The following UBXN4 variants were observed in gnomAD, a reference collection of about 807,000 sequenced individuals.
The protein encoded by UBXN4 is UBX domain-containing protein 4.
Under a neutral mutation model 66.2 loss-of-function variants are expected in UBXN4, and 35 were observed. That is an observed-to-expected ratio of 0.53 (90% CI 0.40 to 0.70). The LOEUF (loss-of-function observed/expected upper bound fraction) is 0.70. UBXN4 is among the 30% of genes least tolerant of loss of function. UBXN4 has a pLI of 0.00. For synonymous variants in UBXN4, 203 were observed against 204.5 expected, an observed-to-expected ratio of 0.99 and a Z score of 0.06; for missense variants, 533 against 599.8, an observed-to-expected ratio of 0.89 and a Z score of 1.16.
At chr2:135,750,424 T>C (rs2077234199) in intron 2 of UBXN4, among the ~76,000 whole-genome samples, 1 of 152,080 alleles carries the variant, frequency 6.6e-6, no homozygotes, top group South Asian at 2.1e-4. Context: ...GAGAATGCTG[T>C]GAACCCGGGA....
chr2:135,766,667 C>T (rs1002436727), intron 6 of UBXN4, among the ~76,000 whole-genome samples: 3 of 152,146 alleles, frequency 2.0e-5, no homozygotes, highest in East Asian at 1.9e-4. Flanking sequence ...ATGTTTTGTC[C>T]TTTCCATTAC....
At chr2:135,751,214 T>A (rs1406891755) in intron 2 of UBXN4, among the ~76,000 whole-genome samples, 3 of 148,802 alleles carry the variant, frequency 2.0e-5, no homozygotes. Context: ...TGAGACGGAG[T>A]CTCGCTCTGT....
intron 1 of UBXN4, among the ~76,000 whole-genome samples, chr2:135,747,150 G>A (rs2077211927): frequency 6.6e-6 from 1 of 151,086 alleles, no homozygotes; most frequent in Non-Finnish European, 1.5e-5. Flanking sequence ...GGATTAAATT[G>A]TCCTGGCCAA....
intron 12 of UBXN4, 87 bp downstream of exon 12, chr2:135,780,472 C>T: frequency 1.6e-6 from 2 of 1,251,066 alleles, no homozygotes; most frequent in Non-Finnish European, 2.3e-6. Context: ...CTTTGCCTTT[C>T]TGTATATGTC....
At chr2:135,764,709 T>C (rs1433354143) in intron 6 of UBXN4, among the ~76,000 whole-genome samples, 6 of 152,234 alleles carry the variant, frequency 3.9e-5, no homozygotes, top group Non-Finnish European at 8.8e-5. Flanking sequence ...TTTCGCCATG[T>C]TGGCTGGGCT....
In UBXN4 at chr2:135,763,925, G is replaced by A. The variant is rs550660864; in HGVS notation, c.602+2014G>A. Among the ~76,000 whole-genome samples the A allele has an allele frequency of 2.6e-5, 4 of 152,230 alleles. No individual in the cohort carries two copies. In the South Asian group the frequency reaches 8.3e-4, roughly 32 times the overall value. ...GGATCATTTGAGGCCGGGAGTTCAA[G>A]ACCAGCCTGGCCAACGTGGCGAAAC... is the stretch of plus-strand genomic sequence containing the variant. On this transcript the variant is annotated intron_variant, in intron 6 of 12. Coordinates refer to ENST00000272638, the MANE Select transcript of UBXN4 (RefSeq NM_014607.4).
rs115361817 is a variant in UBXN4, at chr2:135,750,553, A to G, written c.185+2184A>G. 5.6e-3 allele frequency among the ~76,000 whole-genome samples: 858 copies of G among 152,284 alleles called. 7 individuals are homozygous for G. Among genetic ancestry groups the G allele is most frequent in the African/African-American group, 0.019 (800 of 41,562 alleles). On this transcript the variant is annotated intron_variant, in intron 2 of 12. Transcript: ENST00000272638. The stretch of plus-strand genomic sequence containing the variant: ...AAAAAATAAATTCAGAAATTTGCCT[A>G]TAAGTTTGTAAACTTTATGTAAAAA...
intron 5 of UBXN4, among the ~76,000 whole-genome samples, chr2:135,756,435 T>C (rs1271354327): frequency 6.6e-6 from 1 of 152,204 alleles, no homozygotes; most frequent in Non-Finnish European, 1.5e-5. Context: ...GTCTTCCTTA[T>C]ATTGAGCTGA....
chr2:135,745,875 C>CTTTTTTGTT (rs2077204386), intron 1 of UBXN4, among the ~76,000 whole-genome samples: 1 of 74,398 alleles, frequency 1.3e-5, no homozygotes, highest in Non-Finnish European at 2.3e-5. Context: ...GTCCCGTTTA[C>CTTTTTTGTT]TTTTTTTTTT....
intron 9 of UBXN4, among the ~76,000 whole-genome samples, chr2:135,773,541 A>T (rs1011767856): frequency 2.0e-5 from 3 of 152,222 alleles, no homozygotes; most frequent in Non-Finnish European, 2.9e-5. Flanking sequence ...AGGAGGTGAC[A>T]TGCCCAATCT....
At chr2:135,775,308 G>T (rs1313993316) in intron 9 of UBXN4, among the ~76,000 whole-genome samples, 1 of 152,184 alleles carries the variant, frequency 6.6e-6, no homozygotes, top group Non-Finnish European at 1.5e-5. Flanking sequence ...TTATACAGCA[G>T]TTTATATCCA....
intron 11 of UBXN4, among the ~76,000 whole-genome samples, chr2:135,779,858 TTA>T (rs1439528758): frequency 7.9e-6 from 1 of 126,050 alleles, no homozygotes; most frequent in East Asian, 2.1e-4. Context: ...TATAAAATAA[TTA>T]TATAAAATAA....
chr2:135,759,792 A>G (rs1317302061), intron 5 of UBXN4, among the ~76,000 whole-genome samples: 1 of 47,762 alleles, frequency 2.1e-5, no homozygotes, highest in African/African-American at 4.9e-5. Flanking sequence ...TTTTTTTGAG[A>G]CAGTCTCGCT....
chr2:135,756,593 C>T lies in UBXN4; in HGVS notation c.508+902C>T, dbSNP rs144876965. Among the ~76,000 whole-genome samples, 253 of 152,178 alleles carry T rather than the reference C, an allele frequency of 1.7e-3. 3 individuals are homozygous for T. The Middle Eastern group carries it at 0.027, about 16-fold the overall frequency. On this transcript the variant is annotated intron_variant, in intron 5 of 12. Coordinates refer to ENST00000272638, the MANE Select transcript of UBXN4 (RefSeq NM_014607.4). The stretch of plus-strand genomic sequence containing the variant: ...ATTCAACTTCTGGATGTGTACGGAA[C>T]GGGGGGACTCTATTATGGATGTTCA...
At chr2:135,769,040 T>C (rs1174147653) in intron 6 of UBXN4, among the ~76,000 whole-genome samples, 1 of 151,970 alleles carries the variant, frequency 6.6e-6, no homozygotes, top group Non-Finnish European at 1.5e-5. Flanking sequence ...TCTCCCTTTG[T>C]CACCCAGGCT....
intron 10 of UBXN4, among the ~76,000 whole-genome samples, chr2:135,777,027 T>G (rs1395137634): frequency 6.6e-6 from 1 of 152,216 alleles, no homozygotes; most frequent in Non-Finnish European, 1.5e-5. Context: ...TCTCTCCATT[T>G]CCTACAGATT....
intron 1 of UBXN4, among the ~76,000 whole-genome samples, chr2:135,746,155 G>A (rs1438630477): frequency 2.6e-5 from 4 of 151,944 alleles, no homozygotes; most frequent in Non-Finnish European, 5.9e-5. Flanking sequence ...CACCGTGCCC[G>A]ACCCCGTTTA....
intron 9 of UBXN4, among the ~76,000 whole-genome samples, chr2:135,773,656 CA>C (rs527530979): frequency 1.3e-5 from 2 of 151,976 alleles, no homozygotes; most frequent in East Asian, 3.8e-4. Context: ...GTTGAAAAGA[CA>C]AAAAAAGTTT....
chr2:135,766,524 C>G (rs1405608971), intron 6 of UBXN4, among the ~76,000 whole-genome samples: 1 of 152,158 alleles, frequency 6.6e-6, no homozygotes, highest in Non-Finnish European at 1.5e-5. Flanking sequence ...ATCCAAGACA[C>G]TTCTTGTTTG....
Sources: allele counts gnomAD v4.1 joint callset (sites outside exome capture counted in the v4.1 genomes callset), GRCh38; gene constraint gnomAD v4.1.1; transcripts MANE v1.5; gene names NCBI Gene and HGNC (gene_info 2026-07-23, HGNC 2026-07-21).